The following SNAPC4 variants were observed in gnomAD, a reference collection of about 807,000 sequenced individuals.
The protein encoded by SNAPC4 is snRNA-activating protein complex subunit 4.
A neutral mutation model predicts 151.3 loss-of-function variants in SNAPC4; 127 were observed. That is an observed-to-expected ratio of 0.84 (90% CI 0.73 to 0.97). SNAPC4 has a LOEUF of 0.97. Among genes scored for constraint, SNAPC4 ranks in the 50% least tolerant of loss-of-function variants. SNAPC4 has a pLI of 0.00. For missense variants in SNAPC4, 2,186 were observed against 1,935.0 expected, an observed-to-expected ratio of 1.13 and a Z score of -2.43; for synonymous variants, 1,002 against 824.4, an observed-to-expected ratio of 1.22 and a Z score of -3.69.
intron 9 of SNAPC4, 100 bp from the exon 10 acceptor site, chr9:136,392,206 T>C (rs922307564): frequency 5.6e-6 from 8 of 1,436,690 alleles, no homozygotes; most frequent in Non-Finnish European, 5.8e-6. Flanking sequence ...GCTGGAGGCT[T>C]CCACGGCTGC....
At position 136,378,148 on chromosome 9, in the gene SNAPC4, C is replaced by A; in HGVS notation, c.3679G>T (p.Gly1227Trp). 1 of 1,610,012 alleles carries A rather than the reference C, an allele frequency of 6.2e-7. No individual in the cohort carries two copies. Among genetic ancestry groups the A allele is most frequent in the Non-Finnish European group, 8.5e-7 (1 of 1,179,094 alleles). Reference protein sequence around the residue: ...EPRGTPGSPSGTQEPRGPLGL... With the variant: ...EPRGTPGSPSWTQEPRGPLGL... The stretch of plus-strand genomic sequence containing the variant: ...AGAGGCCCCCTGGGCTCCTGTGTCC[C>A]TGAGGGGGACCCCGGCGTCCCCCTT... The change falls in exon 22 of 24, where the codon GGG becomes TGG. Residue 1227 changes from glycine to tryptophan, a missense_variant. Gly to Trp is a radical substitution (Grantham distance 184). Transcript: ENST00000684778.
At position 136,383,149 on chromosome 9, in the gene SNAPC4, G is replaced by T; in HGVS notation, c.1983+37C>A. 6.6e-7 allele frequency: 1 copy of T among 1,510,698 alleles called. No individual in the cohort carries two copies. The highest frequency in any genetic ancestry group is 8.8e-7 in the Non-Finnish European group (1 of 1,131,072). The allele number at this position is 1,510,698 out of a possible 1,614,324, so 93.6% of individuals were successfully genotyped here. On this transcript the variant is annotated intron_variant, in intron 16 of 23. Coordinates refer to ENST00000684778, the MANE Select transcript of SNAPC4 (RefSeq NM_003086.4). This position sits in a 1 kb window ranked among gnomAD's most constrained non-coding sequence, Gnocchi z 4.2. ...CAGCCCTGGCGAGCGAGTGCCGAAA[G>T]TGCACTTCCCGTGGTACACCCAGGG... is the stretch of plus-strand genomic sequence containing the variant.
chr9:136,376,752 G>GCTA (rs1564374069), intron 22 of SNAPC4, among the ~76,000 whole-genome samples: 2 of 152,238 alleles, frequency 1.3e-5, no homozygotes, highest in Non-Finnish European at 2.9e-5. Context: ...AGGGCAGGAG[G>GCTA]CTGTACATGG....
At chr9:136,380,315 GCA>G (rs1049274480) in intron 20 of SNAPC4, among the ~76,000 whole-genome samples, 2 of 152,138 alleles carry the variant, frequency 1.3e-5, no homozygotes, top group African/African-American at 4.8e-5. Context: ...GGGGCTGGAA[GCA>G]CAGAGGCCCA....
In SNAPC4 at chr9:136,378,512, G is replaced by A. The variant is rs370816405; in HGVS notation, c.3315C>T (p.Pro1105=). 101 of 1,591,268 alleles carry A rather than the reference G, an allele frequency of 6.3e-5. No homozygotes were observed. The highest frequency in any genetic ancestry group is 7.7e-5 in the Non-Finnish European group (91 of 1,174,778). Residue 1105 remains proline, a synonymous_variant, in exon 22 of 24, where the codon CCC becomes CCT. Coordinates refer to ENST00000684778, the MANE Select transcript of SNAPC4 (RefSeq NM_003086.4). Reference sequence around the variant, plus strand: ...GCAGCAGAGTGGCCAGCAGCCCTGCGGGGCCAGGGGTCCCTGCTGGCCTGG... The same window carrying A: ...GCAGCAGAGTGGCCAGCAGCCCTGCAGGGCCAGGGGTCCCTGCTGGCCTGG... The part of the protein sequence containing the change: ...SLPRPAGTPG[P]AGLLATLLPP...
chr9:136,376,652 G>A (rs1833457145), intron 22 of SNAPC4, among the ~76,000 whole-genome samples, 171 bp from the exon 23 acceptor site: 2 of 152,152 alleles, frequency 1.3e-5, no homozygotes, highest in Admixed American at 1.3e-4. Context: ...ACGTGACTGT[G>A]CACTCCCTCC....
chr9:136,386,056 G>A lies in SNAPC4; in HGVS notation c.1326-1242C>T, dbSNP rs117595690. Among the ~76,000 whole-genome samples the A allele has an allele frequency of 5.0e-3, 759 of 151,898 alleles. 4 individuals are homozygous for A. Among genetic ancestry groups the A allele is most frequent in the Non-Finnish European group, 7.6e-3 (515 of 67,994 alleles). On this transcript the variant is annotated intron_variant, in intron 13 of 23. Coordinates refer to ENST00000684778, the MANE Select transcript of SNAPC4 (RefSeq NM_003086.4). ...GGGGGTATAATTCTATGTTTAACTC[G>A]CTGACGAACTGCCATGCTTTCCAAA...
chr9:136,383,305 C>T lies in SNAPC4; in HGVS notation c.1864G>A (p.Gly622Arg). Residue 622 changes from glycine to arginine, a missense_variant, in exon 16 of 24, where the codon GGA (glycine) becomes AGA (arginine). Physicochemically the swap from Gly to Arg is moderately radical, Grantham distance 125. Coordinates refer to ENST00000684778, the MANE Select transcript of SNAPC4 (RefSeq NM_003086.4). The surrounding 1 kb of genome is among the most constrained non-coding windows in gnomAD (Gnocchi z 4.2). ...ACCTGCACCGGACTCGTCTCCTCTC[C>T]AGGAGCCGCGGCTGTGGTGGAAGCT... ...KEASTTAAAP[G>R]EETSPVQVPA... is the part of the protein sequence containing the mutation. 6.2e-7 allele frequency: 1 copy of T among 1,612,036 alleles called. No individual in the cohort carries two copies. Among genetic ancestry groups the T allele is most frequent in the Non-Finnish European group, 8.5e-7 (1 of 1,179,666 alleles).
rs1336916510 is a variant in SNAPC4 at position 136,383,816 on chromosome 9, C to T, written c.1500+137G>A. On this transcript the variant is annotated intron_variant, in intron 15 of 23. Transcript: ENST00000684778. This position sits in a 1 kb window ranked among gnomAD's most constrained non-coding sequence, Gnocchi z 4.2. ...GCTGCCGAGGCAGGGTCTCCCTTTG[C>T]CCTTGGCCACCCAGAAGAAGAAATG... is the stretch of plus-strand genomic sequence containing the variant. 1.5e-6 allele frequency: 2 copies of T among 1,343,572 alleles called. No individual in the cohort carries two copies. The highest frequency in any genetic ancestry group is 2.1e-6 in the Non-Finnish European group (2 of 957,226). 83.2% of individuals were successfully genotyped at this position (1,343,572 alleles called of 1,614,324 possible). A position where few individuals can be genotyped will look rare whatever the true frequency, so the allele number is the denominator to read the frequency against.
At position 136,392,696 on chromosome 9, in the gene SNAPC4, G is replaced by C. The variant is rs754899181; in HGVS notation, c.714C>G (p.Ala238=). The change falls in exon 8 of 24, where the codon GCC becomes GCG. Residue 238 remains alanine (A), a synonymous_variant. Coordinates refer to ENST00000684778, the MANE Select transcript of SNAPC4 (RefSeq NM_003086.4). ...ACTTGATGTCCTGGATCTCCTTCTC[G>C]GCTTCCCTGCCCTGCTTCTCCAGGG... The part of the protein sequence containing the change: ...RQALEKQGRE[A]EKEIQDINQL... 4 of 1,613,694 alleles carry C rather than the reference G, an allele frequency of 2.5e-6. No individual in the cohort carries two copies. Among genetic ancestry groups the C allele is most frequent in the East Asian group, 4.5e-5 (2 of 44,880 alleles).
rs1417082553 is a variant in SNAPC4 at position 136,388,429 on chromosome 9, G to A, written c.1123+15C>T. On this transcript the variant is annotated intron_variant, in intron 11 of 23. Coordinates refer to ENST00000684778, the MANE Select transcript of SNAPC4 (RefSeq NM_003086.4). Reference sequence around the variant, plus strand: ...CTGTGACAGCCTGAGAGCCGTCGGGGTGGAGGGGCCTCACTTCTGCGGTAG... The same window carrying A: ...CTGTGACAGCCTGAGAGCCGTCGGGATGGAGGGGCCTCACTTCTGCGGTAG... The A allele has an allele frequency of 1.2e-6, 2 of 1,610,246 alleles. No homozygotes were observed. The highest frequency in any genetic ancestry group is 1.7e-5 in the Admixed American group (1 of 59,968).
intron 6 of SNAPC4, 25 bp downstream of exon 6, chr9:136,394,775 C>A: frequency 6.2e-7 from 1 of 1,608,552 alleles, no homozygotes; most frequent in South Asian, 1.1e-5. Flanking sequence ...CTCAGGGGTG[C>A]CGCAGGGCCG....
chr9:136,392,399 G>C, intron 9 of SNAPC4, 123 bp downstream of exon 9: 2 of 997,952 alleles, frequency 2.0e-6, no homozygotes, highest in Non-Finnish European at 3.1e-6. Context: ...CCGGGTGGGT[G>C]GGGGGTCACA....
At chr9:136,394,931 G>A (rs1834209958) in intron 5 of SNAPC4, 53 bp from the exon 6 acceptor site, 8 of 1,503,958 alleles carry the variant, frequency 5.3e-6, no homozygotes, top group Non-Finnish European at 7.4e-6. Flanking sequence ...GCTCCCTGCA[G>A]GCCCAGCACA....
rs370117199 is a variant in SNAPC4, at chr9:136,377,573, C to G, written c.4254G>C (p.Pro1418=). ...ELELADRDGQ[P]GCTTATCPIQ... ...TGGGGCATGTGGCTGTCGTGCAGCC[C>G]GGCTGCCCGTCCCTGTCTGCAAGTT... The change falls in exon 22 of 24, where the codon CCG becomes CCC. Residue 1418 remains proline, a synonymous_variant. Transcript: ENST00000684778. 6.6e-7 allele frequency: 1 copy of G among 1,521,962 alleles called. No homozygotes were observed. Among genetic ancestry groups the G allele is most frequent in the Non-Finnish European group, 8.8e-7 (1 of 1,133,246 alleles). The allele number at this position is 1,521,962 out of a possible 1,614,324, so 94.3% of individuals were successfully genotyped here.
At position 136,383,586 on chromosome 9, in the gene SNAPC4, C is replaced by A. The variant is rs772840374; in HGVS notation, c.1583G>T (p.Ser528Ile). ...GCTGCTGCTCCCTCCACTGCTGCCA[C>A]TGCTGCTGCCGCTGCTGCTGGTAGA... ...WSSTSSSGSS[S>I]GSSGGSSSSS... Residue 528 changes from serine (S) to isoleucine (I), a missense_variant, in exon 16 of 24, where the codon AGT (serine) becomes ATT (isoleucine). Transcript: ENST00000684778. The surrounding 1 kb of genome is among the most constrained non-coding windows in gnomAD (Gnocchi z 4.2). The A allele has an allele frequency of 6.2e-7, 1 of 1,610,346 alleles. No individual in the cohort carries two copies. The highest frequency in any genetic ancestry group is 8.5e-7 in the Non-Finnish European group (1 of 1,178,572).
intron 3 of SNAPC4, among the ~76,000 whole-genome samples, 188 bp downstream of exon 3, chr9:136,396,789 G>A (rs1487797499): frequency 2.0e-5 from 3 of 152,242 alleles, no homozygotes; most frequent in Non-Finnish European, 2.9e-5. Flanking sequence ...TCACCAAGCT[G>A]TTAACAGTGG....
intron 13 of SNAPC4, 88 bp from the exon 14 acceptor site, chr9:136,384,902 A>G (rs2131479403): frequency 1.5e-6 from 1 of 689,440 alleles, no homozygotes; most frequent in Non-Finnish European, 2.5e-6. Context: ...TTTCTTGGAT[A>G]TGACACTAAA....
rs1212071097 is a variant in SNAPC4, at chr9:136,395,756, C to T, written c.192G>A (p.Trp64Ter). 6.2e-7 allele frequency: 1 copy of T among 1,611,530 alleles called. No individual in the cohort carries two copies. Among genetic ancestry groups the T allele is most frequent in the African/African-American group, 1.3e-5 (1 of 74,908 alleles). The change falls in exon 4 of 24, where the codon TGG (tryptophan) becomes TGA (stop). Residue 64 changes from tryptophan to a stop codon, truncating the protein, a stop_gained. Transcript: ENST00000684778. LOFTEE classifies it high-confidence loss of function. ...ADPPISEEER[W>*]GEASNDEDDP... ...CGTCCTCGTCATTGCTGGCTTCGCCCCACCTTTCTTCTTCCTGGTAACGAG... is the reference window on the plus strand; with the variant it reads ...CGTCCTCGTCATTGCTGGCTTCGCCTCACCTTTCTTCTTCCTGGTAACGAG...
Sources: gnomAD v4.1 joint callset for allele counts (sites outside exome capture counted in the v4.1 genomes callset) on GRCh38, gnomAD v4.1.1 for gene constraint, Gnocchi (gnomAD v3.1) non-coding constraint, MANE v1.5 for transcripts, NCBI Gene and HGNC (gene_info 2026-07-23, HGNC 2026-07-21) for gene names.